The following PEDS1 variants were observed in gnomAD, a reference collection of about 807,000 sequenced individuals.
The protein encoded by PEDS1 is plasmanylethanolamine desaturase 1.
A neutral mutation model predicts 35.2 loss-of-function variants in PEDS1; 14 were observed. That is an observed-to-expected ratio of 0.40 (90% CI 0.26 to 0.62). The LOEUF (loss-of-function observed/expected upper bound fraction) is 0.62, where lower values mean the gene tolerates loss of function less well. PEDS1 is among the 20% of genes least tolerant of loss of function. The pLI, the probability that PEDS1 is intolerant of heterozygous loss-of-function variation, is 0.44. For missense variants in PEDS1, 260 were observed against 367.8 expected (o/e 0.71, Z 2.40); for synonymous variants, 152 against 152.0 (o/e 1.00, Z 0.00).
chr20:50,135,658 C>CAAAAAAA (rs34069451), intron 2 of PEDS1, among the ~76,000 whole-genome samples: 1 of 37,848 alleles, frequency 2.6e-5, no homozygotes, highest in African/African-American at 1.1e-4. Context: ...AACTCCATCT[C>CAAAAAAA]AAAAAAAAAA....
chr20:50,127,584 G>C (rs1290325457), intron 5 of PEDS1, among the ~76,000 whole-genome samples: 1 of 152,144 alleles, frequency 6.6e-6, no homozygotes, highest in Non-Finnish European at 1.5e-5. Flanking sequence ...GACCTCAAGT[G>C]ATCCACCCGC....
rs2081064827 is a variant in PEDS1 at position 50,123,071 on chromosome 20, A to G, written c.*1987T>C. On this transcript the variant is annotated 3_prime_UTR_variant, in exon 6 of 6. Transcript: ENST00000371652. ...ACCTCTGCACTTTAGCCTGGGTGAC[A>G]GAGCATGACCCTGTCTCTAAAAACA... 1.3e-5 allele frequency: 2 copies of G among 152,336 alleles called. No individual in the cohort carries two copies. The highest frequency in any genetic ancestry group is 2.1e-4 in the South Asian group (1 of 4,828). 9.4% of individuals were successfully genotyped at this position (152,336 alleles called of 1,614,324 possible). A position where few individuals can be genotyped will look rare whatever the true frequency, so the allele number is the denominator to read the frequency against.
chr20:50,139,057 G>A (rs1298391871), intron 2 of PEDS1, among the ~76,000 whole-genome samples: 1 of 152,044 alleles, frequency 6.6e-6, no homozygotes, highest in Non-Finnish European at 1.5e-5. Context: ...CATGGGTTTC[G>A]GTCCTGGGTC....
chr20:50,141,688 G>A (rs944938171), intron 2 of PEDS1, among the ~76,000 whole-genome samples: 1 of 152,216 alleles, frequency 6.6e-6, no homozygotes, highest in Non-Finnish European at 1.5e-5. Context: ...TCCTGCCCTT[G>A]AATATGGGGC....
chr20:50,152,393 T>C lies in PEDS1; in HGVS notation c.121+1124A>G, dbSNP rs745419511. ...AGAAAAAGGAAGGATGTCAGGATAT[T>C]TGACAAACAAAGCTTCATTCCATGG... On this transcript the variant is annotated intron_variant, in intron 1 of 5. Coordinates refer to ENST00000371652, the MANE Select transcript of PEDS1 (RefSeq NM_199129.4). Among the ~76,000 whole-genome samples the C allele has an allele frequency of 6.7e-4, 102 of 152,156 alleles. 1 individual carries two copies. Among genetic ancestry groups the C allele is most frequent in the South Asian group, 6.2e-4 (3 of 4,828 alleles).
intron 2 of PEDS1, among the ~76,000 whole-genome samples, chr20:50,131,664 C>T (rs1315812478): frequency 6.6e-6 from 1 of 151,888 alleles, no homozygotes; most frequent in Non-Finnish European, 1.5e-5. Context: ...ATAGAAGCCT[C>T]GCTGCTCCAC....
intron 2 of PEDS1, among the ~76,000 whole-genome samples, chr20:50,142,177 G>A (rs2081297633): frequency 6.6e-6 from 1 of 152,234 alleles, no homozygotes; most frequent in South Asian, 2.1e-4. Context: ...AGCGTAAGAA[G>A]TGACCGATGG....
At chr20:50,150,984 C>A (rs955070726) in intron 1 of PEDS1, among the ~76,000 whole-genome samples, 20 of 152,134 alleles carry the variant, frequency 1.3e-4, no homozygotes, top group African/African-American at 4.8e-4. Flanking sequence ...GTGTGAGCCA[C>A]CGCGCCCGGC....
chr20:50,151,978 A>G (rs1179975756), intron 1 of PEDS1, among the ~76,000 whole-genome samples: 1 of 152,208 alleles, frequency 6.6e-6, no homozygotes, highest in Non-Finnish European at 1.5e-5. Context: ...GGGGCAGATA[A>G]ACTTTAACTT....
intron 1 of PEDS1, among the ~76,000 whole-genome samples, chr20:50,145,587 C>T (rs1258624039): frequency 2.6e-5 from 4 of 151,588 alleles, no homozygotes; most frequent in South Asian, 2.1e-4. Context: ...CCCAGCTACT[C>T]GGGAGAGGCA....
At chr20:50,138,497 A>G (rs1399194681) in intron 2 of PEDS1, among the ~76,000 whole-genome samples, 3 of 152,220 alleles carry the variant, frequency 2.0e-5, no homozygotes, top group South Asian at 2.1e-4. Context: ...CATCCCCCCA[A>G]CGCAGCTCCT....
At chr20:50,136,394 T>C (rs1249881022) in intron 2 of PEDS1, among the ~76,000 whole-genome samples, 2 of 152,132 alleles carry the variant, frequency 1.3e-5, no homozygotes, top group Non-Finnish European at 2.9e-5. Context: ...GTGTGGGCTG[T>C]GTACAGAGAC....
At position 50,128,173 on chromosome 20, in the gene PEDS1, G is replaced by A; in HGVS notation, c.493C>T (p.Leu165=). The change falls in exon 5 of 6, where the codon CTA becomes TTA. Residue 165 remains leucine (L), a synonymous_variant. Transcript: ENST00000371652. This position sits in a 1 kb window ranked among gnomAD's most constrained non-coding sequence, Gnocchi z 5.2. ...RTHSPEALEQ[L]YPWECFVFCL... ...AAGACGAAGCACTCCCAGGGGTATAGCTGCTCCAGGGCTTCTGCAGGTTGG... is the reference window on the plus strand; with the variant it reads ...AAGACGAAGCACTCCCAGGGGTATAACTGCTCCAGGGCTTCTGCAGGTTGG... 6.2e-7 allele frequency: 1 copy of A among 1,614,102 alleles called. No homozygotes were observed. The highest frequency in any genetic ancestry group is 1.1e-5 in the South Asian group (1 of 91,076).
In PEDS1 at chr20:50,148,834, A is replaced by G. The variant is rs140151452; in HGVS notation, c.121+4683T>C. ...CCATGGGAAGATGAGAAACAGGCTG[A>G]GTGCCGCGGCTCATGCCTGTAATCC... On this transcript the variant is annotated intron_variant, in intron 1 of 5. Transcript: ENST00000371652. Among the ~76,000 whole-genome samples, 989 of 152,194 alleles carry G rather than the reference A, an allele frequency of 6.5e-3. 14 individuals carry two copies. Among genetic ancestry groups the G allele is most frequent in the African/African-American group, 0.022 (931 of 41,536 alleles).
In PEDS1 at chr20:50,125,095, C is replaced by T. The variant is rs1414770344; in HGVS notation, c.776G>A (p.Arg259Gln). 1 of 1,614,124 alleles carries T rather than the reference C, an allele frequency of 6.2e-7. No homozygotes were observed. The highest frequency in any genetic ancestry group is 8.5e-7 in the Non-Finnish European group (1 of 1,179,986). The change falls in exon 6 of 6, where the codon CGG becomes CAG. Residue 259 changes from arginine to glutamine, a missense_variant. Arg to Gln is a conservative substitution (Grantham distance 43). Transcript: ENST00000371652. ...LIQGLTGEKPRADDMKWAQKI... is the reference protein window; with the variant it reads ...LIQGLTGEKPQADDMKWAQKI... ...CTGGGCCCATTTCATGTCATCTGCC[C>T]GAGGCTTCTCGCCCGTCAGGCCCTG...
At position 50,125,047 on chromosome 20, in the gene PEDS1, G is replaced by C. The variant is rs757456130; in HGVS notation, c.*11C>G. On this transcript the variant is annotated 3_prime_UTR_variant, in exon 6 of 6. Coordinates refer to ENST00000371652, the MANE Select transcript of PEDS1 (RefSeq NM_199129.4). ...GGGAAGGTTGGCAACCAGGTAGCAGGCTCGGAGAAGTTATTTGATCTTCTG... is the reference window on the plus strand; with the variant it reads ...GGGAAGGTTGGCAACCAGGTAGCAGCCTCGGAGAAGTTATTTGATCTTCTG... The C allele has an allele frequency of 6.2e-7, 1 of 1,613,302 alleles. No homozygotes were observed. The highest frequency in any genetic ancestry group is 2.2e-5 in the East Asian group (1 of 44,830).
At chr20:50,125,314 C>G (rs2081088480) in intron 5 of PEDS1, 135 bp from the exon 6 acceptor site, 1 of 1,227,382 alleles carries the variant, frequency 8.1e-7, no homozygotes. Flanking sequence ...AGGGACCGGC[C>G]AAGGAACTGG....
At position 50,121,797 on chromosome 20, in the gene PEDS1, C is replaced by G. The variant is rs572764713; in HGVS notation, c.*3261G>C. The G allele has an allele frequency of 8.5e-5, 13 of 152,292 alleles. No homozygotes were observed. The highest frequency in any genetic ancestry group is 2.9e-4 in the African/African-American group (12 of 41,506). 9.4% of individuals were successfully genotyped at this position (152,292 alleles called of 1,614,324 possible). ...TGGACTCAGGCTGAGGGTTTTTTTTCTGTCGGCTCCAGGGGAACTGACACA... is the reference window on the plus strand; with the variant it reads ...TGGACTCAGGCTGAGGGTTTTTTTTGTGTCGGCTCCAGGGGAACTGACACA... On this transcript the variant is annotated 3_prime_UTR_variant, in exon 6 of 6. Transcript: ENST00000371652.
Position 50,139,776 on chromosome 20 carries a change from TTCAA to T in PEDS1, c.241+3722_241+3725del, listed in dbSNP as rs2081274569. Among the ~76,000 whole-genome samples the T allele has an allele frequency of 2.0e-5, 3 of 151,656 alleles. No individual in the cohort carries two copies. In the South Asian group the frequency reaches 6.3e-4, roughly 32 times the overall value. On this transcript the variant is annotated intron_variant, in intron 2 of 5. Coordinates refer to ENST00000371652, the MANE Select transcript of PEDS1 (RefSeq NM_199129.4). ...CTCACTGCAACCTCTGCCTCCCGTG[TTCAA>T]TCAATTTCTCCTGTCTCAGCCTCCC...
Sources: allele counts gnomAD v4.1 joint callset (sites outside exome capture counted in the v4.1 genomes callset), GRCh38; gene constraint gnomAD v4.1.1; non-coding constraint Gnocchi (gnomAD v3.1); transcripts MANE v1.5; gene names NCBI Gene and HGNC (gene_info 2026-07-23, HGNC 2026-07-21).